KIF5C: variants seen among roughly 807,000 people sequenced by gnomAD.
The protein encoded by KIF5C is kinesin heavy chain isoform 5C.
A neutral mutation model predicts 125.2 loss-of-function variants in KIF5C; 18 were observed. That is an observed-to-expected ratio of 0.14 (90% CI 0.10 to 0.21). The LOEUF is 0.21. KIF5C is among the 10% of genes least tolerant of loss of function. The probability of loss-of-function intolerance (pLI) is 1.00; values close to 1 mark genes in which losing one functional copy is unlikely to be tolerated. For missense variants in KIF5C, 780 were observed against 1,183.8 expected, an observed-to-expected ratio of 0.66 and a Z score of 5.01; for synonymous variants, 405 against 434.0, an observed-to-expected ratio of 0.93 and a Z score of 0.83.
chr2:149,010,269 G>A lies in KIF5C; in HGVS notation c.2685G>A (p.Lys895=), dbSNP rs1224245526. ...EAKENAMRDR[K]RYQQEVDRIK... The stretch of plus-strand genomic sequence containing the variant: ...AGGAGAACGCCATGCGGGACCGTAA[G>A]CGCTACCAGCAGGAGGTGGATCGTA... Residue 895 remains lysine, a synonymous_variant, in exon 24 of 26, where the codon AAG becomes AAA. Transcript: ENST00000435030. 1 of 1,594,912 alleles carries A rather than the reference G, an allele frequency of 6.3e-7. No individual in the cohort carries two copies. Among genetic ancestry groups the A allele is most frequent in the Admixed American group, 1.7e-5 (1 of 57,408 alleles).
At chr2:148,982,848 TAGAC>T (rs1159966629) in intron 14 of KIF5C, among the ~76,000 whole-genome samples, 2 of 152,236 alleles carry the variant, frequency 1.3e-5, no homozygotes, top group Non-Finnish European at 2.9e-5. Context: ...AGACTATTAT[TAGAC>T]AGATTGTTTA....
rs371343902 is a variant in KIF5C at position 148,880,954 on chromosome 2, G to GTT, written c.126+5227_126+5228dup. 8.3e-3 allele frequency among the ~76,000 whole-genome samples: 1,077 copies of GTT among 129,184 alleles called. 11 individuals are homozygous for GTT. Among genetic ancestry groups the GTT allele is most frequent in the African/African-American group, 0.027 (935 of 35,048 alleles). The allele number at this position is 129,184 out of a possible 152,430, so 84.7% of individuals were successfully genotyped here. On this transcript the variant is annotated intron_variant, in intron 1 of 25. Transcript: ENST00000435030. ...GATTCACTAGCTAAAAAAAAACCTAGTTTTTTTTTTTTTTTTTCAAGTTGC... is the reference window on the plus strand; with the variant it reads ...GATTCACTAGCTAAAAAAAAACCTAGTTTTTTTTTTTTTTTTTTTCAAGTTGC...
intron 25 of KIF5C, among the ~76,000 whole-genome samples, chr2:149,017,688 T>A (rs1337980273): frequency 6.6e-6 from 1 of 152,178 alleles, no homozygotes; most frequent in Admixed American, 6.5e-5. Flanking sequence ...ATCTCAAACT[T>A]GAGTAGTAAA....
intron 3 of KIF5C, among the ~76,000 whole-genome samples, chr2:148,931,099 G>A (rs1299574074): frequency 1.3e-5 from 2 of 152,032 alleles, no homozygotes; most frequent in Non-Finnish European, 2.9e-5. Flanking sequence ...CAGTCTAGAG[G>A]TTTTTTTGTT....
intron 11 of KIF5C, 120 bp downstream of exon 11, chr2:148,962,239 C>T (rs1682945032): frequency 2.9e-6 from 4 of 1,367,740 alleles, no homozygotes; most frequent in African/African-American, 2.9e-5. Flanking sequence ...GATCTTGGCT[C>T]ACCGCAACCT....
At chr2:148,895,874 ACC>A (rs10566367) in intron 1 of KIF5C, among the ~76,000 whole-genome samples, 111,669 of 138,790 alleles carry the variant, frequency 0.8, 43,281 homozygotes, top group Non-Finnish European at 0.87. Flanking sequence ...ACACACACAC[ACC>A]CACAGAGATC....
At chr2:148,973,833 T>A (rs1200030772) in intron 12 of KIF5C, among the ~76,000 whole-genome samples, 1 of 152,168 alleles carries the variant, frequency 6.6e-6, no homozygotes, top group Non-Finnish European at 1.5e-5. Flanking sequence ...TCTTTAAGTC[T>A]CCCTTTCTTC....
intron 15 of KIF5C, among the ~76,000 whole-genome samples, chr2:148,990,493 A>G (rs546522061): frequency 1.4e-4 from 22 of 152,364 alleles, no homozygotes; most frequent in Middle Eastern, 3.4e-3. Flanking sequence ...TGAGGACTAC[A>G]TAGAAACACC....
In KIF5C at chr2:148,907,685, A is replaced by C. The variant is rs571744089; in HGVS notation, c.127-14452A>C. ...CATCAGGGGAAGAGTGGGAAGGAGG[A>C]GGTGAGGCGAGAGCATGTCTGAGTA... is the stretch of plus-strand genomic sequence containing the variant. On this transcript the variant is annotated intron_variant, in intron 1 of 25. Transcript: ENST00000435030. Among the ~76,000 whole-genome samples, 15 of 152,158 alleles carry C rather than the reference A, an allele frequency of 9.9e-5. No individual in the cohort carries two copies. The South Asian group carries it at 2.1e-3, about 21-fold the overall frequency.
At chr2:148,964,042 G>A (rs1007864884) in intron 11 of KIF5C, among the ~76,000 whole-genome samples, 31 of 152,102 alleles carry the variant, frequency 2.0e-4, no homozygotes, top group African/African-American at 7.5e-4. Context: ...TTGGGTGGCC[G>A]AGGTGGGCAG....
At chr2:149,008,855 T>C (rs2105197783) in intron 23 of KIF5C, among the ~76,000 whole-genome samples, 1 of 152,222 alleles carries the variant, frequency 6.6e-6, no homozygotes, top group South Asian at 2.1e-4. Flanking sequence ...GAGAGGATGA[T>C]AGATTCTAGA....
At chr2:148,926,322 T>C (rs1681993445) in intron 2 of KIF5C, among the ~76,000 whole-genome samples, 1 of 152,328 alleles carries the variant, frequency 6.6e-6, no homozygotes, top group East Asian at 1.9e-4. Flanking sequence ...GGAAGAGTGC[T>C]GTGGCCCCGG....
intron 11 of KIF5C, among the ~76,000 whole-genome samples, chr2:148,972,986 A>G (rs1419050459): frequency 1.3e-5 from 2 of 152,208 alleles, no homozygotes; most frequent in Non-Finnish European, 2.9e-5. Context: ...ATCAATCACT[A>G]GAGAGAATAT....
At chr2:148,903,753 A>G (rs1680994033) in intron 1 of KIF5C, among the ~76,000 whole-genome samples, 1 of 152,234 alleles carries the variant, frequency 6.6e-6, no homozygotes, top group Non-Finnish European at 1.5e-5. Context: ...TCACATAGCT[A>G]CTAAATTGTG....
At chr2:148,938,740 A>G (rs1430662140) in intron 4 of KIF5C, among the ~76,000 whole-genome samples, 6 of 152,050 alleles carry the variant, frequency 3.9e-5, no homozygotes, top group Non-Finnish European at 7.4e-5. Context: ...TCAGGCTGGG[A>G]TCTTAGTGCA....
At chr2:148,986,558 T>C (rs1187698033) in intron 15 of KIF5C, among the ~76,000 whole-genome samples, 1 of 152,238 alleles carries the variant, frequency 6.6e-6, no homozygotes, top group Non-Finnish European at 1.5e-5. Flanking sequence ...AGATTTATCC[T>C]TATAGGTACA....
chr2:148,933,455 C>A (rs1682219726), intron 3 of KIF5C, among the ~76,000 whole-genome samples: 3 of 151,746 alleles, frequency 2.0e-5, no homozygotes. Context: ...TCCACCCCCC[C>A]CACATACATC....
In KIF5C at chr2:149,011,852, C is replaced by T. The variant is rs73011355; in HGVS notation, c.*7+169C>T. On this transcript the variant is annotated intron_variant, in intron 25 of 25. Transcript: ENST00000435030. ...GACCCAGACCTGTCCTCACTTAGTC[C>T]AGAGCCCTGGGGTCTTCTAGCTGAG... 0.088 allele frequency among the ~76,000 whole-genome samples: 13,351 copies of T among 152,236 alleles called. 1,711 individuals carry two copies. Among genetic ancestry groups the T allele is most frequent in the African/African-American group, 0.28 (11,556 of 41,490 alleles).
intron 1 of KIF5C, among the ~76,000 whole-genome samples, chr2:148,907,889 C>G (rs1179674502): frequency 6.6e-6 from 1 of 152,236 alleles, no homozygotes; most frequent in Middle Eastern, 3.2e-3. Flanking sequence ...GCCCAGCAGG[C>G]TGTCCAGAGT....
Sources: gnomAD v4.1 joint callset for allele counts (sites outside exome capture counted in the v4.1 genomes callset) on GRCh38, gnomAD v4.1.1 for gene constraint, MANE v1.5 for transcripts, NCBI Gene and HGNC (gene_info 2026-07-23, HGNC 2026-07-21) for gene names.